MMP17: variants seen among roughly 807,000 people sequenced by gnomAD.
MMP17 encodes the protein matrix metalloproteinase-17.
A neutral mutation model predicts 49.1 loss-of-function variants in MMP17; 54 were observed. The ratio of observed to expected loss-of-function variants is 1.10; its 90% CI spans 0.88 to 1.38. The LOEUF is 1.38. Among genes scored for constraint, MMP17 ranks in the 40% most tolerant of loss-of-function variants. The probability of loss-of-function intolerance (pLI) is 0.00; values close to 1 mark genes in which losing one functional copy is unlikely to be tolerated. For synonymous variants in MMP17, 397 were observed against 383.1 expected, an observed-to-expected ratio of 1.04 and a Z score of -0.42; for missense variants, 837 against 853.7, an observed-to-expected ratio of 0.98 and a Z score of 0.24.
At chr12:131,842,345 A>G (rs557392839) in intron 5 of MMP17, among the ~76,000 whole-genome samples, 28 of 152,084 alleles carry the variant, frequency 1.8e-4, no homozygotes, top group African/African-American at 6.5e-4. Flanking sequence ...GCTGCCCTCC[A>G]CACCGCCCAC....
intron 3 of MMP17, 44 bp from the exon 4 acceptor site, chr12:131,840,529 G>A (rs2136324227): frequency 6.5e-7 from 1 of 1,532,662 alleles, no homozygotes; most frequent in Middle Eastern, 1.7e-4. Context: ...TGGGGCACGT[G>A]GCCTGTTCTC....
At chr12:131,837,773 C>T (rs1001523402) in intron 1 of MMP17, among the ~76,000 whole-genome samples, 14 of 152,184 alleles carry the variant, frequency 9.2e-5, no homozygotes, top group Admixed American at 2.0e-4. Flanking sequence ...TGCAGTGGCA[C>T]GATCTCGGCT....
intron 1 of MMP17, among the ~76,000 whole-genome samples, chr12:131,833,624 G>A (rs763742320): frequency 5.9e-5 from 9 of 152,240 alleles, no homozygotes; most frequent in Non-Finnish European, 1.2e-4. Flanking sequence ...CTGTGTGACC[G>A]TGGACAGGTT....
Position 131,851,102 on chromosome 12 carries a change from GACA to G in MMP17, c.1644_1646del (p.Gln548del), listed in dbSNP as rs1887950759. On this transcript the variant is annotated inframe_deletion, in exon 10 of 10. Transcript: ENST00000360564. ...GCAGAGGGGCCCCGCGCCCCTCCAG[GACA>G]ACATGACCAGAGCCGCTCGGAGGAC... 5 of 1,599,874 alleles carry G rather than the reference GACA, an allele frequency of 3.1e-6. No homozygotes were observed. Among genetic ancestry groups the G allele is most frequent in the Admixed American group, 3.5e-5 (2 of 57,948 alleles).
At chr12:131,839,440 G>A (rs530096689) in intron 3 of MMP17, among the ~76,000 whole-genome samples, 7 of 152,182 alleles carry the variant, frequency 4.6e-5, no homozygotes, top group Non-Finnish European at 8.8e-5. Flanking sequence ...CGCCTCCCGA[G>A]TAGCTGGGAC....
In MMP17 at chr12:131,849,850, C is replaced by T. The variant is rs1566095320; in HGVS notation, c.1253C>T (p.Pro418Leu). 7.4e-6 allele frequency: 12 copies of T among 1,613,990 alleles called. No homozygotes were observed. Among genetic ancestry groups the T allele is most frequent in the South Asian group, 4.4e-5 (4 of 91,090 alleles). ...GACAATAACGTAGAGGAAGGATACC[C>T]GCGCCCCGTCTCCGACTTCAGCCTC... ...FKDNNVEEGY[P>L]RPVSDFSLPP... The change falls in exon 9 of 10, where the codon CCG (proline) becomes CTG (leucine). Residue 418 changes from proline (P) to leucine (L), a missense_variant. Coordinates refer to ENST00000360564, the MANE Select transcript of MMP17 (RefSeq NM_016155.7).
chr12:131,840,576 C>T lies in MMP17; in HGVS notation c.426C>T (p.Val142=), dbSNP rs1440008360. The T allele has an allele frequency of 6.3e-7, 1 of 1,585,076 alleles. No individual in the cohort carries two copies. Among genetic ancestry groups the T allele is most frequent in the Admixed American group, 1.7e-5 (1 of 59,304 alleles). Residue 142 remains valine, a synonymous_variant, in exon 4 of 10, where the codon GTC becomes GTT. Transcript: ENST00000360564. ...KWNKRNLSWR[V]RTFPRDSPLG... is the part of the protein sequence containing the mutation. ...CTGGGCTGACCCCTGCCTGCAGGGT[C>T]CGGACGTTCCCACGGGACTCACCAC...
intron 1 of MMP17, among the ~76,000 whole-genome samples, chr12:131,828,916 CGTGGAGTTGTGA>C (rs1886652675): frequency 6.6e-6 from 1 of 152,090 alleles, no homozygotes; most frequent in African/African-American, 2.4e-5. Flanking sequence ...CGCAGGAGCC[CGTGGAGTTGTGA>C]GGGGGTCGCC....
At chr12:131,843,791 A>C (rs148374114) in intron 5 of MMP17, among the ~76,000 whole-genome samples, 1,679 of 152,280 alleles carry the variant, frequency 0.011, 19 homozygotes, top group African/African-American at 0.028. Context: ...GTGCTCACAC[A>C]CTGAGTGTTT....
chr12:131,846,535 T>G lies in MMP17; in HGVS notation c.1204+1086T>G, dbSNP rs1887712609. Among the ~76,000 whole-genome samples, 1 of 152,042 alleles carries G rather than the reference T, an allele frequency of 6.6e-6. No individual in the cohort carries two copies. The highest frequency in any genetic ancestry group is 6.5e-5 in the Admixed American group (1 of 15,272). On this transcript the variant is annotated intron_variant, in intron 8 of 9. Transcript: ENST00000360564. This position sits in a 1 kb window ranked among gnomAD's most constrained non-coding sequence, Gnocchi z 4.6. The stretch of plus-strand genomic sequence containing the variant: ...ATTACAAGGTGCCCGCCACCACTCC[T>G]GGCTAATTTTTGTATTTTTAGTGGA...
At chr12:131,842,204 C>T (rs1182576748) in intron 5 of MMP17, among the ~76,000 whole-genome samples, 1 of 152,226 alleles carries the variant, frequency 6.6e-6, no homozygotes, top group Non-Finnish European at 1.5e-5. Flanking sequence ...CCAAGTCAGG[C>T]ACCAGGGACC....
chr12:131,828,395 T>C lies in MMP17; in HGVS notation c.-100T>C. 1.4e-6 allele frequency: 1 copy of C among 699,360 alleles called. No homozygotes were observed. Among genetic ancestry groups the C allele is most frequent in the Non-Finnish European group, 1.8e-6 (1 of 568,500 alleles). The allele number at this position is 699,360 out of a possible 1,614,324, so 43.3% of individuals were successfully genotyped here. ...CTTGAGGCTGCCGCGCGGGGCTCAG[T>C]CCGGCGGGGGCGCCGCGGAGAGCGG... On this transcript the variant is annotated 5_prime_UTR_variant, in exon 1 of 10. Coordinates refer to ENST00000360564, the MANE Select transcript of MMP17 (RefSeq NM_016155.7).
chr12:131,835,608 G>A (rs1026847705), intron 1 of MMP17, among the ~76,000 whole-genome samples: 1 of 152,224 alleles, frequency 6.6e-6, no homozygotes, highest in Non-Finnish European at 1.5e-5. Flanking sequence ...AGGCTGGGGG[G>A]TGAGTTGTCC....
At chr12:131,836,282 C>G (rs2136315499) in intron 1 of MMP17, among the ~76,000 whole-genome samples, 1 of 152,216 alleles carries the variant, frequency 6.6e-6, no homozygotes, top group East Asian at 1.9e-4. Flanking sequence ...TTGTGAGGCC[C>G]CTCCTGGCCA....
chr12:131,844,157 A>G, intron 6 of MMP17, 76 bp downstream of exon 6: 1 of 1,281,016 alleles, frequency 7.8e-7, no homozygotes, highest in Non-Finnish European at 1.1e-6. Flanking sequence ...CATTTGCCCC[A>G]AATCGTGGCT....
intron 1 of MMP17, 24 bp downstream of exon 1, chr12:131,828,677 G>A: frequency 3.1e-6 from 1 of 326,086 alleles, no homozygotes; most frequent in Non-Finnish European, 4.8e-6. Context: ...CGGGACGGGC[G>A]CGGAGCTCCT....
chr12:131,850,549 C>T (rs1011052695), intron 9 of MMP17, among the ~76,000 whole-genome samples: 54 of 152,210 alleles, frequency 3.5e-4, no homozygotes, highest in African/African-American at 1.1e-3. Context: ...CAGCCCTGCA[C>T]AGAGTGGGCC....
chr12:131,848,712 G>T (rs1887827947), intron 8 of MMP17, among the ~76,000 whole-genome samples: 2 of 152,320 alleles, frequency 1.3e-5, no homozygotes, highest in South Asian at 4.1e-4. Context: ...TCACTCAGCG[G>T]AAGGTCCTCG....
rs114104537 is a variant in MMP17 at position 131,842,446 on chromosome 12, C to G, written c.883+646C>G. 5.1e-3 allele frequency among the ~76,000 whole-genome samples: 776 copies of G among 152,322 alleles called. 6 individuals are homozygous for G. The highest frequency in any genetic ancestry group is 0.017 in the African/African-American group (726 of 41,560). On this transcript the variant is annotated intron_variant, in intron 5 of 9. Coordinates refer to ENST00000360564, the MANE Select transcript of MMP17 (RefSeq NM_016155.7). Reference sequence around the variant, plus strand: ...TTCACATGCTCTGACATCCATGCATCGTTTCCACTGTAGTAAAATTCACAT... The same window carrying G: ...TTCACATGCTCTGACATCCATGCATGGTTTCCACTGTAGTAAAATTCACAT...
Sources: allele counts gnomAD v4.1 joint callset (sites outside exome capture counted in the v4.1 genomes callset), GRCh38; gene constraint gnomAD v4.1.1; non-coding constraint Gnocchi (gnomAD v3.1); transcripts MANE v1.5; gene names NCBI Gene and HGNC (gene_info 2026-07-23, HGNC 2026-07-21).